Variants in EXOC4 observed in about 807,000 individuals in gnomAD.
EXOC4 encodes exocyst complex component 4, also known as SEC8-like 1.
In EXOC4, 71 loss-of-function variants were observed where a neutral mutation model predicts 107.2. The ratio of observed to expected loss-of-function variants is 0.66; its 90% CI spans 0.55 to 0.81. The LOEUF is 0.81. Among genes scored for constraint, EXOC4 ranks in the 30% least tolerant of loss-of-function variants. The pLI is 0.00. For synonymous variants in EXOC4, 456 were observed against 441.2 expected (o/e 1.03, Z -0.42); for missense variants, 1,108 against 1,189.6 (o/e 0.93, Z 1.01).
At position 133,886,649 on chromosome 7, in the gene EXOC4, T is replaced by A. The variant is rs1799093104; in HGVS notation, c.1735-8950T>A. On this transcript the variant is annotated intron_variant, in intron 11 of 17. Coordinates refer to ENST00000253861, the MANE Select transcript of EXOC4 (RefSeq NM_021807.4). Reference sequence around the variant, plus strand: ...TTTCTAAGCAAATATCAATCATTTATGATTTGTTTAATAGAAATTATAATG... The same window carrying A: ...TTTCTAAGCAAATATCAATCATTTAAGATTTGTTTAATAGAAATTATAATG... 3.9e-5 allele frequency among the ~76,000 whole-genome samples: 6 copies of A among 152,212 alleles called. No individual in the cohort carries two copies. The South Asian group carries it at 1.2e-3, about 32-fold the overall frequency.
chr7:133,533,003 G>A (rs1023275491), intron 9 of EXOC4, among the ~76,000 whole-genome samples: 27 of 152,074 alleles, frequency 1.8e-4, no homozygotes, highest in African/African-American at 6.3e-4. Flanking sequence ...GCCATTGATT[G>A]CCACTGGGAA....
chr7:133,403,112 T>C (rs1004088246), intron 7 of EXOC4, among the ~76,000 whole-genome samples: 10 of 149,902 alleles, frequency 6.7e-5, no homozygotes, highest in Admixed American at 6.0e-4. Context: ...CTTGATCTCC[T>C]GACCTCGTGA....
intron 10 of EXOC4, among the ~76,000 whole-genome samples, chr7:133,697,217 A>G (rs1213713947): frequency 6.6e-6 from 1 of 152,158 alleles, no homozygotes; most frequent in African/African-American, 2.4e-5. Context: ...TGGATATATC[A>G]TATTCTTCCT....
intron 5 of EXOC4, among the ~76,000 whole-genome samples, chr7:133,346,531 G>A (rs1323562183): frequency 6.6e-6 from 1 of 152,082 alleles, no homozygotes; most frequent in African/African-American, 2.4e-5. Context: ...TTGATCAGAA[G>A]CACTCACATT....
chr7:133,347,205 G>A (rs958485571), intron 5 of EXOC4, among the ~76,000 whole-genome samples: 4 of 150,858 alleles, frequency 2.7e-5, no homozygotes, highest in Non-Finnish European at 5.9e-5. Context: ...GTAAGTAGCT[G>A]TAGGCTGTGT....
chr7:133,603,680 T>C (rs1208127259), intron 9 of EXOC4, among the ~76,000 whole-genome samples: 1 of 152,144 alleles, frequency 6.6e-6, no homozygotes, highest in Non-Finnish European at 1.5e-5. Flanking sequence ...AAGGTGAAAA[T>C]GGTCCATCTG....
chr7:133,679,799 A>G (rs952791758), intron 10 of EXOC4, among the ~76,000 whole-genome samples: 5 of 152,220 alleles, frequency 3.3e-5, no homozygotes, highest in African/African-American at 1.2e-4. Context: ...TGTTAAAGCT[A>G]AAAGATTGCT....
chr7:133,503,678 A>G (rs1799616637), intron 9 of EXOC4, among the ~76,000 whole-genome samples: 1 of 152,186 alleles, frequency 6.6e-6, no homozygotes, highest in Non-Finnish European at 1.5e-5. Context: ...TCGGCATCCA[A>G]TAAACATTTG....
intron 10 of EXOC4, among the ~76,000 whole-genome samples, chr7:133,754,593 A>T (rs1485412863): frequency 2.6e-5 from 4 of 152,264 alleles, no homozygotes; most frequent in Admixed American, 6.5e-5. Context: ...TACTGTTAAC[A>T]TTTTTACTGT....
intron 10 of EXOC4, among the ~76,000 whole-genome samples, chr7:133,711,961 C>T (rs1006325834): frequency 1.3e-5 from 2 of 152,002 alleles, no homozygotes; most frequent in East Asian, 3.9e-4. Context: ...AATTTGAGCT[C>T]CATGAAATAA....
At chr7:134,073,751 A>T in the EXOC4 span, among the ~76,000 whole-genome samples, 1 of 151,794 alleles carries the variant, frequency 6.6e-6, no homozygotes, top group Admixed American at 6.6e-5. Context: ...AGTCATTGTG[A>T]TTTACTCACA....
At chr7:133,379,005 A>G (rs1368549751) in intron 7 of EXOC4, among the ~76,000 whole-genome samples, 1 of 152,174 alleles carries the variant, frequency 6.6e-6, no homozygotes, top group Non-Finnish European at 1.5e-5. Flanking sequence ...TTATTACTTT[A>G]AAAATTTTTA....
chr7:133,729,191 C>G (rs1041862346), intron 10 of EXOC4, among the ~76,000 whole-genome samples: 2 of 152,210 alleles, frequency 1.3e-5, no homozygotes, highest in East Asian at 3.9e-4. Flanking sequence ...AGAACAAATA[C>G]AAAAATTTAG....
intron 7 of EXOC4, among the ~76,000 whole-genome samples, chr7:133,426,146 A>G (rs1797722036): frequency 6.6e-6 from 1 of 152,140 alleles, no homozygotes; most frequent in African/African-American, 2.4e-5. Context: ...ATCAGCACCC[A>G]CTTCCCGTAG....
intron 10 of EXOC4, among the ~76,000 whole-genome samples, chr7:133,677,410 G>C (rs902229484): frequency 1.3e-5 from 2 of 152,006 alleles, no homozygotes; most frequent in African/African-American, 2.4e-5. Flanking sequence ...TCTCACCACA[G>C]AGAATGTATA....
At chr7:133,393,829 T>C (rs1796910389) in intron 7 of EXOC4, among the ~76,000 whole-genome samples, 1 of 152,226 alleles carries the variant, frequency 6.6e-6, no homozygotes, top group South Asian at 2.1e-4. Context: ...CATTTTGTTG[T>C]AGTGGTTTGA....
chr7:133,457,072 A>G (rs1798480105), intron 7 of EXOC4, among the ~76,000 whole-genome samples: 3 of 152,194 alleles, frequency 2.0e-5, no homozygotes, highest in Non-Finnish European at 1.5e-5. Context: ...CGTCGAATGA[A>G]CAGAAACTTT....
At chr7:134,001,933 T>G (rs928041192) in intron 15 of EXOC4, among the ~76,000 whole-genome samples, 18 of 152,234 alleles carry the variant, frequency 1.2e-4, no homozygotes, top group Non-Finnish European at 2.9e-5. Context: ...AGTCATAATG[T>G]CTGTCATTTA....
chr7:133,524,619 A>C (rs1029584000), intron 9 of EXOC4, among the ~76,000 whole-genome samples: 4 of 150,590 alleles, frequency 2.7e-5, no homozygotes, highest in East Asian at 2.0e-4. Flanking sequence ...ATTTTTGTAT[A>C]AGGTGTAAGG....
Sources: allele counts gnomAD v4.1 joint callset (sites outside exome capture counted in the v4.1 genomes callset), GRCh38; gene constraint gnomAD v4.1.1; transcripts MANE v1.5; gene names NCBI Gene and HGNC (gene_info 2026-07-23, HGNC 2026-07-21).